PKP4: variants seen among roughly 807,000 people sequenced by gnomAD.
The protein encoded by PKP4 is plakophilin 4, also known as plakophilin-4.
In PKP4, 90 loss-of-function variants were observed where a neutral mutation model predicts 145.1. That is an observed-to-expected ratio of 0.62 (90% CI 0.52 to 0.74). The LOEUF (loss-of-function observed/expected upper bound fraction) is 0.74. Ranked by LOEUF, PKP4 falls within the 30% of genes least tolerant of loss-of-function variation. The pLI is 0.00. For missense variants in PKP4, 1,340 were observed against 1,482.7 expected (o/e 0.90, Z 1.58); for synonymous variants, 563 against 577.2 (o/e 0.98, Z 0.35).
chr2:158,619,943 A>G (rs1326426446), intron 4 of PKP4, among the ~76,000 whole-genome samples: 1 of 46,402 alleles, frequency 2.2e-5, no homozygotes, highest in Non-Finnish European at 5.9e-5. Flanking sequence ...ACACACACAC[A>G]CGCACACACA....
rs555256860 is a variant in PKP4 at position 158,676,067 on chromosome 2, G to A, written c.3128-672G>A. Among the ~76,000 whole-genome samples the A allele has an allele frequency of 2.4e-3, 363 of 152,226 alleles. 1 individual carries two copies. Among genetic ancestry groups the A allele is most frequent in the African/African-American group, 8.5e-3 (354 of 41,544 alleles). On this transcript the variant is annotated intron_variant, in intron 19 of 21. Coordinates refer to ENST00000389759, the MANE Select transcript of PKP4 (RefSeq NM_003628.6). ...TGTTACTAGATGTTGGCTGAAGCTG[G>A]GGTAAAACAGTCCTCAGTCCTCTGG...
intron 12 of PKP4, chr2:158,660,302 G>C (rs2056437291): frequency 6.6e-6 from 1 of 152,670 alleles, no homozygotes; most frequent in Admixed American, 6.5e-5. Flanking sequence ...GCAGATGTGT[G>C]CCAACCTATG....
chr2:158,463,512 C>A (rs933864758), intron 1 of PKP4, among the ~76,000 whole-genome samples: 1 of 151,590 alleles, frequency 6.6e-6, no homozygotes, highest in African/African-American at 2.4e-5. Flanking sequence ...TGATATAAAT[C>A]AACAGACAGT....
intron 1 of PKP4, among the ~76,000 whole-genome samples, chr2:158,466,872 T>C (rs1407216920): frequency 6.6e-6 from 1 of 152,236 alleles, no homozygotes; most frequent in African/African-American, 2.4e-5. Flanking sequence ...AAGTGTGATA[T>C]TGAGCAAACT....
At chr2:158,615,699 C>T (rs1356551964) in intron 4 of PKP4, among the ~76,000 whole-genome samples, 2 of 152,122 alleles carry the variant, frequency 1.3e-5, no homozygotes, top group Non-Finnish European at 2.9e-5. Flanking sequence ...CCAGTTTATG[C>T]ATTCACAAAA....
intron 3 of PKP4, among the ~76,000 whole-genome samples, chr2:158,601,893 T>G (rs1389429326): frequency 6.6e-6 from 1 of 152,090 alleles, no homozygotes; most frequent in Non-Finnish European, 1.5e-5. Context: ...AATATAGCAC[T>G]AAAAGGACGG....
At chr2:158,475,340 C>T (rs1553538170) in intron 1 of PKP4, among the ~76,000 whole-genome samples, 1 of 151,400 alleles carries the variant, frequency 6.6e-6, no homozygotes, top group Non-Finnish European at 1.5e-5. Flanking sequence ...CTGATTCATT[C>T]TTTTTTTTTG....
chr2:158,495,406 T>G (rs1255811482), intron 1 of PKP4, among the ~76,000 whole-genome samples: 2 of 151,278 alleles, frequency 1.3e-5, no homozygotes, highest in African/African-American at 4.9e-5. Flanking sequence ...TCACTTCTAA[T>G]GTGCTATATA....
chr2:158,599,643 G>T (rs184304874), intron 3 of PKP4, among the ~76,000 whole-genome samples: 1 of 152,176 alleles, frequency 6.6e-6, no homozygotes, highest in Admixed American at 6.5e-5. Flanking sequence ...ATTTTTGGTT[G>T]CAAACAATAG....
intron 6 of PKP4, among the ~76,000 whole-genome samples, 167 bp downstream of exon 6, chr2:158,621,588 A>C (rs2052250315): frequency 6.6e-6 from 1 of 152,126 alleles, no homozygotes; most frequent in Non-Finnish European, 1.5e-5. Flanking sequence ...TCTACTAAAA[A>C]TACAAAAATT....
intron 2 of PKP4, among the ~76,000 whole-genome samples, chr2:158,537,072 G>C (rs1279596515): frequency 6.6e-6 from 1 of 152,148 alleles, no homozygotes; most frequent in Non-Finnish European, 1.5e-5. Context: ...AATACTTACT[G>C]TCGATTACTT....
At chr2:158,632,880 C>T (rs556078531) in intron 8 of PKP4, among the ~76,000 whole-genome samples, 1 of 152,076 alleles carries the variant, frequency 6.6e-6, no homozygotes, top group Non-Finnish European at 1.5e-5. Flanking sequence ...TTGAGGAATT[C>T]CTTTAATAAG....
At chr2:158,530,796 G>C (rs1231654816) in intron 1 of PKP4, among the ~76,000 whole-genome samples, 1 of 151,996 alleles carries the variant, frequency 6.6e-6, no homozygotes, top group Admixed American at 6.6e-5. Context: ...TCTAATGACT[G>C]TTCATGGTTG....
chr2:158,576,950 G>T lies in PKP4; in HGVS notation c.133-321G>T, dbSNP rs112824214. Reference sequence around the variant, plus strand: ...CTCTGATGTAGATACATTAAGTAAGGTCTCTGGAAGCCTTAACTTTAGTAA... The same window carrying T: ...CTCTGATGTAGATACATTAAGTAAGTTCTCTGGAAGCCTTAACTTTAGTAA... On this transcript the variant is annotated intron_variant, in intron 2 of 21. Transcript: ENST00000389759. 1.0e-3 allele frequency among the ~76,000 whole-genome samples: 156 copies of T among 152,212 alleles called. 1 individual carries two copies. Among genetic ancestry groups the T allele is most frequent in the African/African-American group, 3.6e-3 (150 of 41,552 alleles).
rs867946421 is a variant in PKP4 at position 158,635,032 on chromosome 2, T to G, written c.1562+743T>G. 1.1e-4 allele frequency among the ~76,000 whole-genome samples: 6 copies of G among 54,548 alleles called. No homozygotes were observed. The South Asian group carries it at 6.0e-3, about 54-fold the overall frequency. The allele number at this position is 54,548 out of a possible 152,430, so 35.8% of individuals were successfully genotyped here. On this transcript the variant is annotated intron_variant, in intron 9 of 21. Coordinates refer to ENST00000389759, the MANE Select transcript of PKP4 (RefSeq NM_003628.6). ...ATTTTCATTTCTGAAAGAGTGAAAT[T>G]GTTGCTAAATTTTAAGCGCTTTAGT... is the stretch of plus-strand genomic sequence containing the variant.
intron 10 of PKP4, among the ~76,000 whole-genome samples, chr2:158,641,837 A>G (rs1313274987): frequency 6.6e-6 from 1 of 152,180 alleles, no homozygotes; most frequent in African/African-American, 2.4e-5. Context: ...TAGCTTTGCT[A>G]TGTTTGTGTA....
chr2:158,470,347 C>T (rs1691358334), intron 1 of PKP4, among the ~76,000 whole-genome samples: 1 of 152,172 alleles, frequency 6.6e-6, no homozygotes, highest in South Asian at 2.1e-4. Context: ...ACCTTAATTA[C>T]TCTCCTTCCT....
intron 1 of PKP4, among the ~76,000 whole-genome samples, chr2:158,496,759 CGTGTGTGTGTGTGTGT>C (rs58108158): frequency 4.8e-5 from 7 of 144,856 alleles, no homozygotes; most frequent in African/African-American, 7.6e-5. Context: ...CTTCTCTCTC[CGTGTGTGTGTGTGTGT>C]GTGTGTGTGT....
intron 1 of PKP4, among the ~76,000 whole-genome samples, chr2:158,482,983 TATCC>T (rs1693594687): frequency 6.6e-6 from 1 of 152,244 alleles, no homozygotes; most frequent in African/African-American, 2.4e-5. Context: ...AAGTAGCTTT[TATCC>T]ATCCAGTGTG....
Sources: allele counts gnomAD v4.1 joint callset (sites outside exome capture counted in the v4.1 genomes callset), GRCh38; gene constraint gnomAD v4.1.1; transcripts MANE v1.5; gene names NCBI Gene and HGNC (gene_info 2026-07-23, HGNC 2026-07-21).